Variants in MTHFD1L observed in about 807,000 individuals in gnomAD.
The protein encoded by MTHFD1L is monofunctional C1-tetrahydrofolate synthase, mitochondrial.
Under a neutral mutation model 119.5 loss-of-function variants are expected in MTHFD1L, and 81 were observed. That is an observed-to-expected ratio of 0.68 (90% CI 0.57 to 0.82). The LOEUF is 0.82. Among genes scored for constraint, MTHFD1L ranks in the 40% least tolerant of loss-of-function variants. The pLI is 0.00. For synonymous variants in MTHFD1L, 430 were observed against 475.2 expected (o/e 0.90, Z 1.24); for missense variants, 1,125 against 1,253.4 (o/e 0.90, Z 1.55).
At chr6:150,983,193 G>A (rs2128424662) in intron 20 of MTHFD1L, among the ~76,000 whole-genome samples, 1 of 152,274 alleles carries the variant, frequency 6.6e-6, no homozygotes, top group South Asian at 2.1e-4. Flanking sequence ...TTGCCATTAT[G>A]AGTTACAAAT....
At chr6:151,006,571 T>C (rs959739720) in intron 20 of MTHFD1L, among the ~76,000 whole-genome samples, 2 of 152,176 alleles carry the variant, frequency 1.3e-5, no homozygotes, top group South Asian at 4.1e-4. Flanking sequence ...AGGAGCTAGG[T>C]TTTTGAAGGG....
intron 26 of MTHFD1L, among the ~76,000 whole-genome samples, chr6:151,076,689 G>A (rs1204249715): frequency 3.3e-5 from 5 of 151,614 alleles, no homozygotes; most frequent in South Asian, 2.1e-4. Context: ...CCAAATGTTG[G>A]CAAGGATGTG....
chr6:151,063,255 G>A (rs558533952), intron 26 of MTHFD1L, among the ~76,000 whole-genome samples: 1 of 152,250 alleles, frequency 6.6e-6, no homozygotes, highest in East Asian at 1.9e-4. Context: ...TGTCTTGGAG[G>A]ATATCATCAA....
chr6:150,897,057 C>T (rs1784352977), intron 7 of MTHFD1L, among the ~76,000 whole-genome samples: 1 of 152,016 alleles, frequency 6.6e-6, no homozygotes, highest in African/African-American at 2.4e-5. Context: ...GTGGAGCTTG[C>T]AGTGAGCCGA....
rs987421774 is a variant in MTHFD1L at position 151,076,140 on chromosome 6, G to A, written c.2848-16327G>A. Among the ~76,000 whole-genome samples, 3 of 152,180 alleles carry A rather than the reference G, an allele frequency of 2.0e-5. No individual in the cohort carries two copies. In the South Asian group the frequency reaches 6.2e-4, roughly 32 times the overall value. On this transcript the variant is annotated intron_variant, in intron 26 of 27. Coordinates refer to ENST00000367321, the MANE Select transcript of MTHFD1L (RefSeq NM_015440.5). ...AATCCCAACACTTTGACAGGCAGAG[G>A]CAGGAGGATGGCTTGAGCCCAGCCT... is the stretch of plus-strand genomic sequence containing the variant.
intron 20 of MTHFD1L, among the ~76,000 whole-genome samples, chr6:150,980,032 T>C (rs1245522219): frequency 1.3e-5 from 2 of 152,190 alleles, no homozygotes; most frequent in Non-Finnish European, 2.9e-5. Flanking sequence ...GCTGTAATTC[T>C]CCCAGACCTT....
In MTHFD1L at chr6:150,886,163, C is replaced by T. The variant is rs537504078; in HGVS notation, c.643+429C>T. Among the ~76,000 whole-genome samples the T allele has an allele frequency of 6.6e-5, 10 of 152,248 alleles. No homozygotes were observed. The South Asian group carries it at 1.7e-3, about 25-fold the overall frequency. On this transcript the variant is annotated intron_variant, in intron 6 of 27. Transcript: ENST00000367321. ...AAGACTTAAATGAGGCCAGGCACAG[C>T]GGCTCATGCCTATAATCTCAGTGCT...
At chr6:150,988,607 TG>T (rs372345078) in intron 20 of MTHFD1L, among the ~76,000 whole-genome samples, 2,182 of 37,198 alleles carry the variant, frequency 0.059, 25 homozygotes, top group East Asian at 0.13. Context: ...TCTTTTTTTG[TG>T]GGGGGGGCGG....
chr6:150,998,995 A>AAAAAAAAAAAATGTATAT (rs986639098), intron 20 of MTHFD1L, among the ~76,000 whole-genome samples: 10 of 143,582 alleles, frequency 7.0e-5, no homozygotes, highest in Non-Finnish European at 1.2e-4. Context: ...GTCTTAAAAA[A>AAAAAAAAAAAATGTATAT]ATATATATAC....
chr6:151,041,774 AG>A (rs1336148106), intron 26 of MTHFD1L: 6 of 531,508 alleles, frequency 1.1e-5, no homozygotes, highest in African/African-American at 9.6e-5. Flanking sequence ...TGTGTCCTCA[AG>A]GGAGGCAGAG....
At chr6:150,991,181 A>G (rs17080651) in intron 20 of MTHFD1L, among the ~76,000 whole-genome samples, 135 of 152,304 alleles carry the variant, frequency 8.9e-4, no homozygotes, top group African/African-American at 3.2e-3. Context: ...AGAGCTTTGT[A>G]TCACAATATA....
At chr6:150,950,558 C>G (rs1385002167) in intron 16 of MTHFD1L, among the ~76,000 whole-genome samples, 1 of 152,226 alleles carries the variant, frequency 6.6e-6, no homozygotes, top group Non-Finnish European at 1.5e-5. Context: ...ATTCCAGCTG[C>G]CTTGCTGGGA....
At chr6:151,052,768 G>A (rs1373783523) in intron 26 of MTHFD1L, among the ~76,000 whole-genome samples, 2 of 152,146 alleles carry the variant, frequency 1.3e-5, no homozygotes, top group African/African-American at 4.8e-5. Flanking sequence ...ACCATGCAAG[G>A]GCTCTAGGCC....
chr6:151,005,472 A>G (rs1034957437), intron 20 of MTHFD1L, among the ~76,000 whole-genome samples: 4 of 152,058 alleles, frequency 2.6e-5, no homozygotes, highest in African/African-American at 9.7e-5. Flanking sequence ...TTCTTCGTCT[A>G]TTTCCTTTGC....
At chr6:150,977,365 G>C (rs1247852851) in intron 20 of MTHFD1L, among the ~76,000 whole-genome samples, 1 of 152,298 alleles carries the variant, frequency 6.6e-6, no homozygotes, top group East Asian at 1.9e-4. Flanking sequence ...AAAACAGAGT[G>C]ACATTTATTT....
At chr6:150,951,673 A>G (rs1794897785) in intron 16 of MTHFD1L, among the ~76,000 whole-genome samples, 1 of 152,226 alleles carries the variant, frequency 6.6e-6, no homozygotes, top group Non-Finnish European at 1.5e-5. Flanking sequence ...CATTTTAAAT[A>G]ATGGACATGA....
intron 24 of MTHFD1L, among the ~76,000 whole-genome samples, chr6:151,017,830 C>CTTTTTTTTTTTTTTTTTTT (rs895364993): frequency 6.1e-5 from 6 of 99,008 alleles, no homozygotes; most frequent in African/African-American, 1.2e-4. Context: ...ACCGTGTTTT[C>CTTTTTTTTTTTTTTTTTTT]TTTTTTTTTT....
intron 27 of MTHFD1L, 28 bp downstream of exon 27, chr6:151,092,615 C>T (rs60084701): frequency 1.8e-5 from 26 of 1,425,998 alleles, no homozygotes; most frequent in Non-Finnish European, 2.2e-5. Context: ...AACTTTTTCT[C>T]TCTTTGTTTT....
At chr6:151,047,986 G>A (rs868081845) in intron 26 of MTHFD1L, among the ~76,000 whole-genome samples, 1 of 152,186 alleles carries the variant, frequency 6.6e-6, no homozygotes, top group Non-Finnish European at 1.5e-5. Context: ...GCAGGAAAGA[G>A]AGAGAGTGAA....
Sources: gnomAD v4.1 joint callset for allele counts (sites outside exome capture counted in the v4.1 genomes callset) on GRCh38, gnomAD v4.1.1 for gene constraint, MANE v1.5 for transcripts, NCBI Gene and HGNC (gene_info 2026-07-23, HGNC 2026-07-21) for gene names.